The following TBX1 variants were observed in gnomAD, a reference collection of about 807,000 sequenced individuals.
TBX1 encodes T-box transcription factor 1.
A neutral mutation model predicts 40.8 loss-of-function variants in TBX1; 16 were observed. The observed-to-expected ratio is 0.39, with a 90% CI of 0.27 to 0.60. The LOEUF (loss-of-function observed/expected upper bound fraction) is 0.60, where lower values mean the gene tolerates loss of function less well. Among genes scored for constraint, TBX1 ranks in the 20% least tolerant of loss-of-function variants. The probability of loss-of-function intolerance (pLI) is 0.51; values close to 1 mark genes in which losing one functional copy is unlikely to be tolerated. For missense variants in TBX1, 755 were observed against 728.5 expected (o/e 1.04, Z -0.42); for synonymous variants, 403 against 336.8 (o/e 1.20, Z -2.15).
intron 1 of TBX1, among the ~76,000 whole-genome samples, chr22:19,762,438 C>T (rs923406065): frequency 9.2e-5 from 14 of 152,238 alleles, no homozygotes; most frequent in African/African-American, 3.1e-4. Flanking sequence ...AAGGGCCCCA[C>T]GGCCACTACT....
intron 8 of TBX1, among the ~76,000 whole-genome samples, chr22:19,772,596 G>A (rs373106793): frequency 2.0e-5 from 3 of 152,160 alleles, no homozygotes; most frequent in East Asian, 1.9e-4. Context: ...CATTACAAGC[G>A]TGAGCCACCG....
chr22:19,782,934 G>A (rs769245031), downstream of TBX1: 12 of 1,608,996 alleles, frequency 7.5e-6, no homozygotes, highest in Admixed American at 1.7e-5. Flanking sequence ...GAAGGCTCTG[G>A]GCTCCAACCT....
chr22:19,780,789 T>TG (rs1029889686), downstream of TBX1, among the ~76,000 whole-genome samples: 8 of 141,580 alleles, frequency 5.7e-5, no homozygotes, highest in South Asian at 2.3e-4. Context: ...TTTTTTTTTG[T>TG]TTTTTTTTTT....
rs1294861011 is a variant in TBX1 at position 19,765,990 on chromosome 22, G to A, written c.1024G>A (p.Gly342Ser). The A allele has an allele frequency of 2.6e-6, 4 of 1,511,990 alleles. No individual in the cohort carries two copies. Among genetic ancestry groups the A allele is most frequent in the East Asian group, 5.4e-5 (2 of 37,332 alleles). 93.7% of individuals were successfully genotyped at this position (1,511,990 alleles called of 1,614,324 possible). The part of the protein sequence containing the change: ...NPVASPTQPS[G>S]TEKDAAEARR... ...CGTGGCTTCCCCGACGCAGCCCAGC[G>A]GCACGGAGAAAGGTAGGGCCGGGGT... The change falls in exon 6 of 7, where the codon GGC becomes AGC. Residue 342 changes from glycine (G) to serine (S), a missense_variant. By Grantham distance (56) the Gly-to-Ser change is moderately conservative. This residue lies in a region of TBX1 where 412 missense variants were observed against 317.6 expected (regional missense o/e 1.30). Transcript: ENST00000649276.
chr22:19,782,763 T>C, downstream of TBX1: 3 of 1,393,270 alleles, frequency 2.2e-6, no homozygotes, highest in Non-Finnish European at 3.0e-6. Context: ...TTCTAGCTCC[T>C]TCCCTGTTTC....
chr22:19,758,541 G>A (rs570563656), upstream of TBX1, among the ~76,000 whole-genome samples: 14 of 152,278 alleles, frequency 9.2e-5, no homozygotes, highest in Admixed American at 6.5e-4. Flanking sequence ...CAGCCTGGTC[G>A]GGCCATAGAG....
Position 19,766,731 on chromosome 22 carries a change from A to G in TBX1, c.1379A>G (p.His460Arg). Residue 460 changes from histidine to arginine, a missense_variant, in exon 7 of 7, where the codon CAT becomes CGT. By Grantham distance (29) the His-to-Arg change is conservative. Coordinates refer to ENST00000649276, the MANE Select transcript of TBX1 (RefSeq NM_001379200.1). ...LRGHGYHPHAHPHHHHHPVSP... is the reference protein window; with the variant it reads ...LRGHGYHPHARPHHHHHPVSP... ...GGCCACGGCTACCACCCGCACGCGC[A>G]TCCGCACCACCACCACCACCCCGTG... 5.2e-6 allele frequency: 8 copies of G among 1,542,238 alleles called. No homozygotes were observed. Among genetic ancestry groups the G allele is most frequent in the Non-Finnish European group, 6.9e-6 (8 of 1,154,148 alleles).
chr22:19,766,285 C>G, intron 6 of TBX1, 104 bp from the exon 7 acceptor site: 3 of 1,196,398 alleles, frequency 2.5e-6, no homozygotes, highest in Non-Finnish European at 3.1e-6. Context: ...TCGGGGAACA[C>G]CGAGGGCGGC....
In TBX1 at chr22:19,760,795, G is replaced by GCCCGCCACTC. The variant is rs1936628806; in HGVS notation, c.-49_-48insCCCGCCACTC. On this transcript the variant is annotated 5_prime_UTR_variant, in exon 1 of 7. Transcript: ENST00000649276. ...CGCCCGCCACTCGGCCCGCGGCGCG[G>GCCCGCCACTC]GGCAGCGCTCAGCTTGGTGGCGGGG... 1.7e-6 allele frequency: 1 copy of GCCCGCCACTC among 576,836 alleles called. No individual in the cohort carries two copies. Among genetic ancestry groups the GCCCGCCACTC allele is most frequent in the Admixed American group, 6.6e-5 (1 of 15,216 alleles). 35.7% of individuals were successfully genotyped at this position (576,836 alleles called of 1,614,324 possible).
downstream of TBX1, among the ~76,000 whole-genome samples, chr22:19,781,593 T>C (rs1937143368): frequency 6.6e-6 from 1 of 152,246 alleles, no homozygotes; most frequent in Admixed American, 6.5e-5. Context: ...AATGTGCCTT[T>C]CGTGTCATAT....
At chr22:19,762,894 C>T (rs1177794662) in intron 1 of TBX1, among the ~76,000 whole-genome samples, 1 of 152,204 alleles carries the variant, frequency 6.6e-6, no homozygotes, top group Non-Finnish European at 1.5e-5. Flanking sequence ...GTTAGGCACC[C>T]TGCTGCCGGC....
downstream of TBX1, among the ~76,000 whole-genome samples, chr22:19,771,524 T>C (rs1038076809): frequency 6.6e-6 from 1 of 152,214 alleles, no homozygotes; most frequent in African/African-American, 2.4e-5. Flanking sequence ...AATTAAATTA[T>C]CTTCTTAATT....
chr22:19,760,365 CAG>C (rs1362530027), upstream of TBX1, among the ~76,000 whole-genome samples: 8 of 146,152 alleles, frequency 5.5e-5, no homozygotes, highest in African/African-American at 2.0e-4. Flanking sequence ...GAAAGTAAAA[CAG>C]AAATAAAGAG....
intron 1 of TBX1, among the ~76,000 whole-genome samples, chr22:19,761,966 T>C (rs1029078908): frequency 6.6e-6 from 1 of 152,228 alleles, no homozygotes; most frequent in Non-Finnish European, 1.5e-5. Context: ...ATTTGACCGG[T>C]AGACAAAGGC....
At chr22:19,759,493 T>C (rs955367283), upstream of TBX1, 27 of 1,481,770 alleles carry the variant, frequency 1.8e-5, no homozygotes, top group African/African-American at 1.3e-4. Context: ...GCCGGGCGCC[T>C]ATGGACGCGC....
chr22:19,759,872 G>C (rs1936585041), upstream of TBX1, among the ~76,000 whole-genome samples: 1 of 152,270 alleles, frequency 6.6e-6, no homozygotes, highest in Non-Finnish European at 1.5e-5. Flanking sequence ...TGGGGGCCCA[G>C]CTTGGAGATG....
chr22:19,781,426 T>C (rs1937141678), downstream of TBX1, among the ~76,000 whole-genome samples: 1 of 152,148 alleles, frequency 6.6e-6, no homozygotes, highest in African/African-American at 2.4e-5. Flanking sequence ...AGGAGTTCTC[T>C]ATATATTGTG....
chr22:19,762,665 G>A (rs1936706506), intron 1 of TBX1, among the ~76,000 whole-genome samples: 1 of 152,134 alleles, frequency 6.6e-6, no homozygotes, highest in Admixed American at 6.5e-5. Context: ...GAGGAAGGTG[G>A]GGAGACTCTT....
downstream of TBX1, chr22:19,782,972 C>T (rs1311024739): frequency 2.7e-6 from 4 of 1,463,354 alleles, no homozygotes; most frequent in Admixed American, 5.0e-5. Flanking sequence ...CTTGAAGCCC[C>T]CAAGTAAGAA....
Sources: gnomAD v4.1 joint callset for allele counts (sites outside exome capture counted in the v4.1 genomes callset) on GRCh38, gnomAD v4.1.1 for gene constraint, gnomAD v4.1.1 regional missense constraint, MANE v1.5 for transcripts, NCBI Gene and HGNC (gene_info 2026-07-23, HGNC 2026-07-21) for gene names.